Variants in NSMCE2 observed in about 807,000 individuals in gnomAD.
NSMCE2 encodes NSE2 SUMO ligase component of SMC5/6 complex.
In NSMCE2, 24 loss-of-function variants were observed where a neutral mutation model predicts 23.8. The ratio of observed to expected loss-of-function variants is 1.01; its 90% CI spans 0.73 to 1.42. The LOEUF is 1.42. NSMCE2 is among the 40% of genes most tolerant of loss of function. The pLI is 0.00. For synonymous variants in NSMCE2, 92 were observed against 94.1 expected (o/e 0.98, Z 0.13); for missense variants, 284 against 296.5 (o/e 0.96, Z 0.31).
In NSMCE2 at chr8:125,357,247, C is replaced by T. The variant is rs184167565; in HGVS notation, c.447C>T (p.Asp149=). The change falls in exon 6 of 8, where the codon GAC becomes GAT. Residue 149 remains aspartate (D), a synonymous_variant. Coordinates refer to ENST00000287437, the MANE Select transcript of NSMCE2 (RefSeq NM_173685.4). Reference sequence around the variant, plus strand: ...GTCTTCAAGCTGACAGAGAAGCTGACGGAACAGAAGGAGTGGATGAAGATA... The same window carrying T: ...GTCTTCAAGCTGACAGAGAAGCTGATGGAACAGAAGGAGTGGATGAAGATA... ...QCGLQADREA[D]GTEGVDEDII... 4.2e-5 allele frequency: 67 copies of T among 1,613,058 alleles called. 1 individual carries two copies. The highest frequency in any genetic ancestry group is 2.2e-4 in the South Asian group (20 of 91,070).
intron 5 of NSMCE2, among the ~76,000 whole-genome samples, chr8:125,355,514 A>G (rs1390517922): frequency 1.3e-5 from 2 of 152,138 alleles, no homozygotes; most frequent in African/African-American, 4.8e-5. Context: ...AGCCTGGCCA[A>G]TATGGTGAAA....
chr8:125,229,712 T>C (rs1022651695), intron 5 of NSMCE2, among the ~76,000 whole-genome samples: 6 of 152,352 alleles, frequency 3.9e-5, no homozygotes, highest in South Asian at 2.1e-4. Context: ...AGGATAATTA[T>C]GGATTAAAAA....
chr8:125,295,704 G>A (rs866806080), intron 5 of NSMCE2, among the ~76,000 whole-genome samples: 11 of 152,212 alleles, frequency 7.2e-5, no homozygotes, highest in Admixed American at 2.6e-4. Context: ...TGTGTGGCTC[G>A]GTTGGGGAAT....
intron 5 of NSMCE2, among the ~76,000 whole-genome samples, chr8:125,205,586 T>C (rs1824079107): frequency 6.6e-6 from 1 of 152,194 alleles, no homozygotes; most frequent in Non-Finnish European, 1.5e-5. Context: ...CCCATAACCC[T>C]ACTTCAAAAA....
At chr8:125,136,643 C>T (rs1820081833) in intron 3 of NSMCE2, among the ~76,000 whole-genome samples, 1 of 152,122 alleles carries the variant, frequency 6.6e-6, no homozygotes. Flanking sequence ...GTTTGCAGTT[C>T]ATTATAATTG....
At chr8:125,253,278 A>G (rs986786857) in intron 5 of NSMCE2, among the ~76,000 whole-genome samples, 5 of 152,358 alleles carry the variant, frequency 3.3e-5, no homozygotes, top group East Asian at 1.9e-4. Flanking sequence ...TAGCAGGTGT[A>G]TGTAGATTCT....
intron 1 of NSMCE2, among the ~76,000 whole-genome samples, chr8:125,098,386 G>A (rs536742735): frequency 1.3e-5 from 2 of 152,234 alleles, no homozygotes; most frequent in East Asian, 1.9e-4. Context: ...CAGTTATTAC[G>A]AAGCTCTTTG....
At chr8:125,211,961 A>G (rs886942433) in intron 5 of NSMCE2, among the ~76,000 whole-genome samples, 2 of 152,190 alleles carry the variant, frequency 1.3e-5, no homozygotes, top group African/African-American at 4.8e-5. Flanking sequence ...ATTGGCATGT[A>G]CTTGTCAGAC....
chr8:125,170,343 A>G (rs1294900847), intron 4 of NSMCE2, among the ~76,000 whole-genome samples: 1 of 114,538 alleles, frequency 8.7e-6, no homozygotes, highest in East Asian at 2.8e-4. Context: ...CACAGCCCAT[A>G]TCCAGTCCAT....
chr8:125,125,316 G>A (rs1401610126), intron 3 of NSMCE2, among the ~76,000 whole-genome samples: 1 of 152,194 alleles, frequency 6.6e-6, no homozygotes, highest in Non-Finnish European at 1.5e-5. Flanking sequence ...CCTTCCTCCT[G>A]CAGTGGCCTT....
chr8:125,362,432 C>G (rs1170955800), intron 7 of NSMCE2, among the ~76,000 whole-genome samples: 1 of 152,190 alleles, frequency 6.6e-6, no homozygotes, highest in African/African-American at 2.4e-5. Flanking sequence ...CCATGTCATG[C>G]CAACATTGTC....
At chr8:125,280,776 C>T (rs1479667158) in intron 5 of NSMCE2, among the ~76,000 whole-genome samples, 2 of 152,134 alleles carry the variant, frequency 1.3e-5, no homozygotes, top group African/African-American at 2.4e-5. Context: ...GAGTCAATAA[C>T]GATTCACTGA....
At chr8:125,190,382 G>A (rs1563708409) in intron 5 of NSMCE2, among the ~76,000 whole-genome samples, 1 of 152,154 alleles carries the variant, frequency 6.6e-6, no homozygotes, top group Non-Finnish European at 1.5e-5. Context: ...GAACAACAAA[G>A]CTAGTGAACA....
At chr8:125,269,410 C>A (rs1467210941) in intron 5 of NSMCE2, among the ~76,000 whole-genome samples, 1 of 152,124 alleles carries the variant, frequency 6.6e-6, no homozygotes, top group African/African-American at 2.4e-5. Flanking sequence ...GTAAAAGAAG[C>A]TGGTTCATAT....
At chr8:125,330,177 CTTTCT>C (rs1563788978) in intron 5 of NSMCE2, among the ~76,000 whole-genome samples, 1 of 119,122 alleles carries the variant, frequency 8.4e-6, no homozygotes, top group Non-Finnish European at 1.6e-5. Context: ...TTTCTTTTTT[CTTTCT>C]TTTTTTTTTT....
chr8:125,123,415 T>G (rs1819361529), intron 3 of NSMCE2, among the ~76,000 whole-genome samples: 1 of 152,228 alleles, frequency 6.6e-6, no homozygotes. Context: ...CTCAACAAAT[T>G]TATAAATCTT....
At chr8:125,351,263 A>G (rs1327425749) in intron 5 of NSMCE2, 1 of 152,136 alleles carries the variant, frequency 6.6e-6, no homozygotes, top group African/African-American at 2.4e-5. Context: ...ATCCAATTTT[A>G]CATTGCTGGA....
intron 5 of NSMCE2, among the ~76,000 whole-genome samples, chr8:125,242,772 T>C (rs966040585): frequency 2.6e-5 from 4 of 152,168 alleles, no homozygotes; most frequent in African/African-American, 9.7e-5. Flanking sequence ...AGTCCCCCAC[T>C]CACAGCACAA....
chr8:125,242,458 A>G (rs974829770), intron 5 of NSMCE2, among the ~76,000 whole-genome samples: 1 of 151,998 alleles, frequency 6.6e-6, no homozygotes, highest in Non-Finnish European at 1.5e-5. Context: ...AAGTGTCCAA[A>G]TGAAATTAGT....
Sources: allele counts gnomAD v4.1 joint callset (sites outside exome capture counted in the v4.1 genomes callset), GRCh38; gene constraint gnomAD v4.1.1; transcripts MANE v1.5; gene names NCBI Gene and HGNC (gene_info 2026-07-23, HGNC 2026-07-21).